The following DMXL2 variants were observed in gnomAD, a reference collection of about 807,000 sequenced individuals.
DMXL2 encodes Dmx like 2, also known as dmX-like protein 2.
DMXL2 carries 103 observed loss-of-function variants against 331.1 expected under a neutral mutation model. The ratio of observed to expected loss-of-function variants is 0.31; its 90% CI spans 0.27 to 0.37. The LOEUF is 0.37. DMXL2 is among the 10% of genes least tolerant of loss of function. The probability of loss-of-function intolerance (pLI) is 1.00; values close to 1 mark genes in which losing one functional copy is unlikely to be tolerated. For missense variants in DMXL2, 3,171 were observed against 3,642.9 expected (o/e 0.87, Z 3.33); for synonymous variants, 1,281 against 1,252.1 (o/e 1.02, Z -0.49).
intron 41 of DMXL2, 112 bp downstream of exon 41, chr15:51,453,438 T>G: frequency 1.4e-6 from 1 of 734,244 alleles, no homozygotes; most frequent in Non-Finnish European, 2.1e-6. Context: ...TAACAAAGTT[T>G]TTTTTTTTAA....
chr15:51,576,035 TAAAG>T lies in DMXL2; in HGVS notation c.213+17_213+20del. 1 of 1,587,224 alleles carries T rather than the reference TAAAG, an allele frequency of 6.3e-7. No individual in the cohort carries two copies. The highest frequency in any genetic ancestry group is 8.6e-7 in the Non-Finnish European group (1 of 1,169,044). ...AAACACATTTTTAAATGACATTCAG[TAAAG>T]AAATTAAATCCCTTACTCTTCCTTG... On this transcript the variant is annotated intron_variant, in intron 2 of 43. Transcript: ENST00000560891.
intron 26 of DMXL2, among the ~76,000 whole-genome samples, chr15:51,477,038 G>A (rs1209753375): frequency 6.6e-6 from 1 of 151,934 alleles, no homozygotes; most frequent in Non-Finnish European, 1.5e-5. Context: ...CAAAGTCTGA[G>A]GTAAGGAGAC....
At chr15:51,613,330 G>A (rs76688437) in intron 1 of DMXL2, among the ~76,000 whole-genome samples, 1 of 152,180 alleles carries the variant, frequency 6.6e-6, no homozygotes, top group African/African-American at 2.4e-5. Flanking sequence ...AAGAAATTAT[G>A]AAAGTATTAA....
intron 1 of DMXL2, among the ~76,000 whole-genome samples, chr15:51,594,898 T>C (rs1019093118): frequency 2.6e-5 from 4 of 152,214 alleles, no homozygotes; most frequent in African/African-American, 4.8e-5. Context: ...AAATTAGGTA[T>C]TGATGGGTTG....
At chr15:51,586,804 A>G (rs890916652) in intron 1 of DMXL2, among the ~76,000 whole-genome samples, 1 of 152,114 alleles carries the variant, frequency 6.6e-6, no homozygotes, top group Admixed American at 6.5e-5. Context: ...TATTTGCTCT[A>G]ATTAACCATT....
intron 6 of DMXL2, among the ~76,000 whole-genome samples, chr15:51,553,401 TAA>T (rs2049343921): frequency 6.6e-6 from 1 of 152,234 alleles, no homozygotes; most frequent in South Asian, 2.1e-4. Context: ...AATACAACTA[TAA>T]AAGATTCTCA....
intron 20 of DMXL2, 50 bp downstream of exon 20, chr15:51,491,528 T>C (rs982501715): frequency 6.5e-7 from 1 of 1,533,276 alleles, no homozygotes; most frequent in Non-Finnish European, 8.8e-7. Flanking sequence ...TTTTTTTCGT[T>C]AGGAAAAGGT....
intron 17 of DMXL2, among the ~76,000 whole-genome samples, chr15:51,501,039 G>A (rs150469723): frequency 9.9e-5 from 15 of 152,150 alleles, no homozygotes; most frequent in Middle Eastern, 3.4e-3. Context: ...TTTATAAGGC[G>A]TCTGTAAAAT....
chr15:51,539,538 G>GCC (rs2048473581), intron 9 of DMXL2, among the ~76,000 whole-genome samples: 7 of 152,166 alleles, frequency 4.6e-5, no homozygotes, highest in Non-Finnish European at 1.0e-4. Flanking sequence ...GCCAGGTGTG[G>GCC]TGGCTCATGT....
intron 23 of DMXL2, among the ~76,000 whole-genome samples, 185 bp from the exon 24 acceptor site, chr15:51,481,808 T>C (rs867573648): frequency 1.3e-5 from 2 of 152,184 alleles, no homozygotes; most frequent in Admixed American, 6.5e-5. Context: ...TTTCCCAATA[T>C]GCTACGGAGT....
chr15:51,475,472 C>T (rs1210318549), intron 27 of DMXL2, among the ~76,000 whole-genome samples: 3 of 151,508 alleles, frequency 2.0e-5, no homozygotes, highest in Admixed American at 6.6e-5. Flanking sequence ...CCAGCCTGGG[C>T]GACAGAGCAA....
chr15:51,482,497 A>T (rs2140376893), intron 23 of DMXL2, among the ~76,000 whole-genome samples: 1 of 152,288 alleles, frequency 6.6e-6, no homozygotes, highest in Non-Finnish European at 1.5e-5. Flanking sequence ...AGGAAAAAAA[A>T]TTTCCTAATT....
At chr15:51,485,972 A>G in intron 23 of DMXL2, 101 bp downstream of exon 23, 4 of 1,287,220 alleles carry the variant, frequency 3.1e-6, no homozygotes, top group Non-Finnish European at 4.2e-6. Flanking sequence ...AAAGTTGAAA[A>G]GCAAATCTGG....
chr15:51,483,787 C>T lies in DMXL2; in HGVS notation c.5483-2164G>A, dbSNP rs570431434. Among the ~76,000 whole-genome samples, 8 of 152,088 alleles carry T rather than the reference C, an allele frequency of 5.3e-5. No individual in the cohort carries two copies. In the South Asian group the frequency reaches 6.2e-4, roughly 12 times the overall value. On this transcript the variant is annotated intron_variant, in intron 23 of 43. Coordinates refer to ENST00000560891, the MANE Select transcript of DMXL2 (RefSeq NM_001378457.1). Reference sequence around the variant, plus strand: ...AGCCAAGCAGCCAAGAGCCCACTTCCACGGCCCTGTGGGCTATCCCTGGTG... The same window carrying T: ...AGCCAAGCAGCCAAGAGCCCACTTCTACGGCCCTGTGGGCTATCCCTGGTG...
chr15:51,590,572 T>A (rs1277652171), intron 1 of DMXL2, among the ~76,000 whole-genome samples: 1 of 152,154 alleles, frequency 6.6e-6, no homozygotes, highest in Admixed American at 6.6e-5. Flanking sequence ...TTTTAATTTT[T>A]TTTTTTTAAG....
intron 2 of DMXL2, among the ~76,000 whole-genome samples, 161 bp downstream of exon 2, chr15:51,575,895 T>C (rs1013088919): frequency 4.6e-5 from 7 of 152,124 alleles, no homozygotes; most frequent in Non-Finnish European, 8.8e-5. Context: ...TTAATGGCAC[T>C]TTACAATTTG....
At chr15:51,508,709 C>G (rs1474117571) in intron 15 of DMXL2, among the ~76,000 whole-genome samples, 2 of 152,212 alleles carry the variant, frequency 1.3e-5, no homozygotes, top group Non-Finnish European at 2.9e-5. Flanking sequence ...AACCAGCGCG[C>G]AGACTCCTCA....
chr15:51,563,235 C>A, intron 6 of DMXL2, 146 bp downstream of exon 6: 1 of 674,256 alleles, frequency 1.5e-6, no homozygotes. Context: ...AGGTCTTTTA[C>A]AAACACCACT....
In DMXL2 at chr15:51,613,626, A is replaced by G. The variant is rs28379649; in HGVS notation, c.87+8833T>C. ...ATATTTCAACACTGTTGGAATTATA[A>G]CTTTTTTACAATGCAGATATTATAT... On this transcript the variant is annotated intron_variant, in intron 1 of 43. Coordinates refer to ENST00000560891, the MANE Select transcript of DMXL2 (RefSeq NM_001378457.1). Among the ~76,000 whole-genome samples, 314 of 152,332 alleles carry G rather than the reference A, an allele frequency of 2.1e-3. 8 individuals carry two copies. Among genetic ancestry groups the G allele is most frequent in the Non-Finnish European group, 2.0e-3 (137 of 68,026 alleles).
Sources: gnomAD v4.1 joint callset for allele counts (sites outside exome capture counted in the v4.1 genomes callset) on GRCh38, gnomAD v4.1.1 for gene constraint, MANE v1.5 for transcripts, NCBI Gene and HGNC (gene_info 2026-07-23, HGNC 2026-07-21) for gene names.